Variants in CSTPP1 observed in about 807,000 individuals in gnomAD.
CSTPP1 encodes the protein centriolar satellite-associated tubulin polyglutamylase complex regulator 1.
At chr11:46,984,101 A>T in the CSTPP1 span, among the ~76,000 whole-genome samples, 1 of 152,236 alleles carries the variant, frequency 6.6e-6, no homozygotes, top group African/African-American at 2.4e-5. Context: ...AATGGACCAT[A>T]TCTCTCAGGT....
At chr11:46,946,369 T>C in the CSTPP1 span, among the ~76,000 whole-genome samples, 3 of 152,180 alleles carry the variant, frequency 2.0e-5, no homozygotes, top group African/African-American at 7.2e-5. Flanking sequence ...AAAATAATAG[T>C]AGAGCAGGCC....
chr11:46,988,802 A>G, the CSTPP1 span, among the ~76,000 whole-genome samples: 4 of 152,194 alleles, frequency 2.6e-5, no homozygotes, highest in Non-Finnish European at 4.4e-5. Context: ...TTAACATTGC[A>G]TGTCTGTATC....
the CSTPP1 span, among the ~76,000 whole-genome samples, chr11:46,939,667 GA>G: frequency 7.1e-6 from 1 of 141,052 alleles, no homozygotes; most frequent in African/African-American, 2.5e-5. Flanking sequence ...TAGATAGATA[GA>G]TAGATAGGTA....
the CSTPP1 span, among the ~76,000 whole-genome samples, chr11:47,106,127 G>A: frequency 1.3e-5 from 2 of 152,142 alleles, no homozygotes; most frequent in East Asian, 1.9e-4. Flanking sequence ...CTTGCATGAG[G>A]TCAGTGACCA....
chr11:47,062,441 T>C, the CSTPP1 span, among the ~76,000 whole-genome samples: 1 of 152,202 alleles, frequency 6.6e-6, no homozygotes, highest in African/African-American at 2.4e-5. Context: ...CTATATTGTA[T>C]AGGAACTTCT....
chr11:46,939,609 G>A, the CSTPP1 span, among the ~76,000 whole-genome samples: 1 of 150,572 alleles, frequency 6.6e-6, no homozygotes, highest in Admixed American at 6.7e-5. Context: ...GGATGATAGA[G>A]TGAGACCCTG....
the CSTPP1 span, among the ~76,000 whole-genome samples, chr11:46,944,712 T>C: frequency 6.6e-6 from 1 of 152,144 alleles, no homozygotes; most frequent in Non-Finnish European, 1.5e-5. Flanking sequence ...AAAGGAGGGA[T>C]AATAATTAGG....
the CSTPP1 span, chr11:47,157,246 C>T: frequency 9.1e-6 from 14 of 1,534,192 alleles, no homozygotes; most frequent in Non-Finnish European, 1.1e-5. Context: ...AGCCCCCAGC[C>T]CCCCAGCCCC....
chr11:46,958,877 C>T, the CSTPP1 span, among the ~76,000 whole-genome samples: 1 of 152,156 alleles, frequency 6.6e-6, no homozygotes, highest in African/African-American at 2.4e-5. Context: ...TCCCCTCTGC[C>T]TTTTGTTCTG....
At chr11:46,994,729 A>G in the CSTPP1 span, among the ~76,000 whole-genome samples, 39 of 152,156 alleles carry the variant, frequency 2.6e-4, no homozygotes, top group Admixed American at 2.6e-3. Flanking sequence ...ATATTGGTCT[A>G]AAATTCTCTT....
chr11:46,970,378 A>G, the CSTPP1 span, among the ~76,000 whole-genome samples: 4 of 151,152 alleles, frequency 2.6e-5, no homozygotes, highest in African/African-American at 7.3e-5. Context: ...CATTGTGCAC[A>G]TGTACCCTAA....
the CSTPP1 span, among the ~76,000 whole-genome samples, chr11:46,959,071 A>G: frequency 1.3e-5 from 2 of 152,352 alleles, no homozygotes; most frequent in African/African-American, 4.8e-5. Context: ...AAAAAATTCA[A>G]TTATGGTAGA....
the CSTPP1 span, among the ~76,000 whole-genome samples, chr11:47,102,463 G>C: frequency 1.3e-5 from 2 of 151,682 alleles, no homozygotes; most frequent in African/African-American, 4.8e-5. Flanking sequence ...CTCCAAGGGG[G>C]CAAAAATTGG....
At chr11:46,951,578 C>A in the CSTPP1 span, among the ~76,000 whole-genome samples, 1 of 152,128 alleles carries the variant, frequency 6.6e-6, no homozygotes, top group East Asian at 1.9e-4. Flanking sequence ...AGCCACCATA[C>A]CCTGCCAGAT....
the CSTPP1 span, among the ~76,000 whole-genome samples, chr11:47,076,134 A>G: frequency 6.6e-6 from 1 of 152,018 alleles, no homozygotes; most frequent in Admixed American, 6.6e-5. Flanking sequence ...GGAGCTCTTG[A>G]CTCAGGAGCA....
chr11:47,042,647 A>G, the CSTPP1 span, among the ~76,000 whole-genome samples: 2 of 151,392 alleles, frequency 1.3e-5, no homozygotes, highest in African/African-American at 2.4e-5. Flanking sequence ...AAAAACTTCA[A>G]CAACTTAAAG....
the CSTPP1 span, among the ~76,000 whole-genome samples, chr11:47,047,781 T>C: frequency 2.0e-5 from 3 of 152,164 alleles, no homozygotes; most frequent in African/African-American, 7.2e-5. Context: ...GGAATTAATA[T>C]CCAGAATATG....
the CSTPP1 span, among the ~76,000 whole-genome samples, chr11:47,110,953 A>C: frequency 6.7e-6 from 1 of 148,548 alleles, no homozygotes; most frequent in Admixed American, 6.8e-5. Context: ...GCAGTGGCGC[A>C]ATCACGGCTC....
the CSTPP1 span, among the ~76,000 whole-genome samples, chr11:47,023,896 T>C: frequency 2.0e-5 from 3 of 152,192 alleles, no homozygotes; most frequent in South Asian, 2.1e-4. Flanking sequence ...GTGAGTAATA[T>C]TGCTGTGAAC....
Sources: gnomAD v4.1 joint callset for allele counts (sites outside exome capture counted in the v4.1 genomes callset) on GRCh38, gnomAD v4.1.1 for gene constraint, MANE v1.5 for transcripts, NCBI Gene and HGNC (gene_info 2026-07-23, HGNC 2026-07-21) for gene names.